LRP1B: variants seen among roughly 807,000 people sequenced by gnomAD.
LRP1B encodes the protein LDL receptor related protein 1B.
In LRP1B, 217 loss-of-function variants were observed where a neutral mutation model predicts 556.6. The observed-to-expected ratio is 0.39, with a 90% CI of 0.35 to 0.44. The LOEUF is 0.44. Among genes scored for constraint, LRP1B ranks in the 20% least tolerant of loss-of-function variants. The pLI is 1.00. For missense variants in LRP1B, 5,053 were observed against 5,620.8 expected (o/e 0.90, Z 3.23); for synonymous variants, 2,047 against 1,865.8 (o/e 1.10, Z -2.50).
intron 22 of LRP1B, 119 bp from the exon 23 acceptor site, chr2:140,903,284 G>C (rs2105224168): frequency 4.2e-6 from 5 of 1,191,266 alleles, no homozygotes; most frequent in East Asian, 2.5e-5. Flanking sequence ...ATGAATATAA[G>C]AAAGCCCTCT....
chr2:140,987,586 G>T (rs967036452), intron 17 of LRP1B, among the ~76,000 whole-genome samples: 1 of 152,088 alleles, frequency 6.6e-6, no homozygotes, highest in Non-Finnish European at 1.5e-5. Flanking sequence ...TAAACATGGT[G>T]TTATAAATTG....
chr2:140,912,646 C>T (rs1694455204), intron 21 of LRP1B, among the ~76,000 whole-genome samples: 1 of 151,642 alleles, frequency 6.6e-6, no homozygotes. Flanking sequence ...AACTTGATAA[C>T]TACATGTCAA....
intron 71 of LRP1B, among the ~76,000 whole-genome samples, chr2:140,368,098 G>A (rs557876822): frequency 8.6e-5 from 13 of 151,876 alleles, no homozygotes; most frequent in African/African-American, 3.1e-4. Flanking sequence ...TGGGGCTACT[G>A]TGACATCTTG....
intron 1 of LRP1B, among the ~76,000 whole-genome samples, chr2:142,082,143 G>A (rs1046227556): frequency 6.6e-6 from 1 of 152,148 alleles, no homozygotes; most frequent in Non-Finnish European, 1.5e-5. Context: ...ATGGCCCACA[G>A]TCAATAAGCA....
At chr2:141,483,957 CTTTAG>C in intron 2 of LRP1B, among the ~76,000 whole-genome samples, 1 of 151,744 alleles carries the variant, frequency 6.6e-6, no homozygotes, top group East Asian at 2.0e-4. Context: ...TGCAGAAGCT[CTTTAG>C]TTTAATTAGA....
At chr2:141,779,928 T>A (rs1695196647) in intron 2 of LRP1B, among the ~76,000 whole-genome samples, 1 of 151,692 alleles carries the variant, frequency 6.6e-6, no homozygotes, top group Non-Finnish European at 1.5e-5. Flanking sequence ...TATTCCTACT[T>A]CTATCATTTA....
chr2:142,016,592 A>C (rs1703138173), intron 1 of LRP1B, among the ~76,000 whole-genome samples: 1 of 150,610 alleles, frequency 6.6e-6, no homozygotes, highest in Admixed American at 6.6e-5. Context: ...AAAACCAAAC[A>C]CCACATGTTC....
intron 1 of LRP1B, among the ~76,000 whole-genome samples, chr2:142,001,077 C>T (rs1702636581): frequency 6.6e-6 from 1 of 152,138 alleles, no homozygotes; most frequent in African/African-American, 2.4e-5. Flanking sequence ...CTTGTTCTCT[C>T]TTGCCTGCCT....
intron 2 of LRP1B, among the ~76,000 whole-genome samples, chr2:141,646,523 T>C (rs539312306): frequency 6.6e-6 from 1 of 152,248 alleles, no homozygotes; most frequent in East Asian, 1.9e-4. Flanking sequence ...ATTTAATTAA[T>C]ACGTTGGGAG....
chr2:141,844,708 A>C (rs941881917), intron 1 of LRP1B, among the ~76,000 whole-genome samples: 9 of 152,184 alleles, frequency 5.9e-5, no homozygotes, highest in African/African-American at 1.7e-4. Flanking sequence ...CAAATATATC[A>C]GTTCAGATAT....
At chr2:141,658,548 C>T (rs1690098260) in intron 2 of LRP1B, among the ~76,000 whole-genome samples, 1 of 152,174 alleles carries the variant, frequency 6.6e-6, no homozygotes, top group Non-Finnish European at 1.5e-5. Context: ...CCCAACATCC[C>T]AGCTGAACTA....
intron 2 of LRP1B, among the ~76,000 whole-genome samples, chr2:141,716,304 AG>A (rs1692583199): frequency 6.6e-6 from 1 of 152,236 alleles, no homozygotes; most frequent in Non-Finnish European, 1.5e-5. Flanking sequence ...GTAGTGCTCA[AG>A]TCCTGTAATT....
intron 5 of LRP1B, among the ~76,000 whole-genome samples, chr2:141,235,105 T>A (rs2105305975): frequency 6.6e-6 from 1 of 152,112 alleles, no homozygotes; most frequent in Non-Finnish European, 1.5e-5. Flanking sequence ...AATATATAAA[T>A]CAAATTAGGA....
In LRP1B at chr2:140,896,115, T is replaced by C. The variant is rs762272294; in HGVS notation, c.3766+6805A>G. On this transcript the variant is annotated intron_variant, in intron 23 of 90. Coordinates refer to ENST00000389484, the MANE Select transcript of LRP1B (RefSeq NM_018557.3). ...CCTCCTGTCCATATCACAATCAGTA[T>C]CATATTTTAGGTGGTCCTAAAAGAA... Among the ~76,000 whole-genome samples the C allele has an allele frequency of 1.1e-3, 171 of 152,172 alleles. 2 individuals carry two copies. Among genetic ancestry groups the C allele is most frequent in the Non-Finnish European group, 1.6e-3 (108 of 68,008 alleles).
At chr2:141,113,505 G>C (rs527933444) in intron 7 of LRP1B, among the ~76,000 whole-genome samples, 1 of 152,042 alleles carries the variant, frequency 6.6e-6, no homozygotes, top group Non-Finnish European at 1.5e-5. Flanking sequence ...CTTAAAGTTT[G>C]TACAACTGCT....
intron 43 of LRP1B, among the ~76,000 whole-genome samples, chr2:140,590,657 A>C (rs923777578): frequency 3.8e-4 from 58 of 152,034 alleles, no homozygotes; most frequent in African/African-American, 1.4e-3. Context: ...ACCATCCATA[A>C]GCCAGGAAAA....
At chr2:140,388,593 G>A (rs1683869061) in intron 66 of LRP1B, among the ~76,000 whole-genome samples, 1 of 152,112 alleles carries the variant, frequency 6.6e-6, no homozygotes, top group African/African-American at 2.4e-5. Flanking sequence ...GCTGCCTTAT[G>A]TAAAGTTATA....
chr2:142,063,103 T>G (rs1404623626), intron 1 of LRP1B, among the ~76,000 whole-genome samples: 1 of 150,742 alleles, frequency 6.6e-6, no homozygotes, highest in Admixed American at 6.6e-5. Context: ...GTACCAGATA[T>G]TCCTCTAAAA....
chr2:140,729,349 T>C lies in LRP1B; in HGVS notation c.5759-12533A>G, dbSNP rs1162849417. ...ACAGTTACTACCATCACAGATAATTTGCTCTAAAAATTACTAGAAATTGCC... is the reference window on the plus strand; with the variant it reads ...ACAGTTACTACCATCACAGATAATTCGCTCTAAAAATTACTAGAAATTGCC... On this transcript the variant is annotated intron_variant, in intron 35 of 90. Transcript: ENST00000389484. Among the ~76,000 whole-genome samples the C allele has an allele frequency of 4.6e-5, 7 of 152,250 alleles. No homozygotes were observed. The East Asian group carries it at 1.3e-3, about 29-fold the overall frequency.
Sources: gnomAD v4.1 joint callset for allele counts (sites outside exome capture counted in the v4.1 genomes callset) on GRCh38, gnomAD v4.1.1 for gene constraint, MANE v1.5 for transcripts, NCBI Gene and HGNC (gene_info 2026-07-23, HGNC 2026-07-21) for gene names.